Variants in NOL4 observed in about 807,000 individuals in gnomAD.
The protein encoded by NOL4 is cancer/testis antigen 125.
Under a neutral mutation model 75.9 loss-of-function variants are expected in NOL4, and 17 were observed. The observed-to-expected ratio is 0.22, with a 90% confidence interval of 0.15 to 0.34. The LOEUF is 0.34. Ranked by LOEUF, NOL4 falls within the 10% of genes least tolerant of loss-of-function variation. The probability of loss-of-function intolerance (pLI) is 1.00; values close to 1 mark genes in which losing one functional copy is unlikely to be tolerated. For missense variants in NOL4, 614 were observed against 793.5 expected, an observed-to-expected ratio of 0.77 and a Z score of 2.72; for synonymous variants, 292 against 289.9, an observed-to-expected ratio of 1.01 and a Z score of -0.07.
intron 5 of NOL4, among the ~76,000 whole-genome samples, chr18:34,041,993 T>C (rs2076161412): frequency 6.6e-6 from 1 of 152,062 alleles, no homozygotes; most frequent in South Asian, 2.1e-4. Flanking sequence ...GCATGTGATT[T>C]ACAAAAATAT....
intron 9 of NOL4, among the ~76,000 whole-genome samples, chr18:33,902,487 G>C (rs774298659): frequency 6.6e-6 from 1 of 152,014 alleles, no homozygotes; most frequent in Non-Finnish European, 1.5e-5. Flanking sequence ...ATATAGAAAA[G>C]CAATGTTTTC....
chr18:34,196,840 T>C (rs1038437321), intron 1 of NOL4, among the ~76,000 whole-genome samples: 1 of 152,096 alleles, frequency 6.6e-6, no homozygotes, highest in Admixed American at 6.6e-5. Flanking sequence ...ATATATGGTA[T>C]ACAAACTATT....
chr18:33,896,117 G>T (rs2065389841), intron 9 of NOL4, among the ~76,000 whole-genome samples: 1 of 152,026 alleles, frequency 6.6e-6, no homozygotes, highest in South Asian at 2.1e-4. Flanking sequence ...TCTCTACAAT[G>T]AGAATTACAA....
At chr18:34,209,200 A>AG (rs1304172783) in intron 1 of NOL4, among the ~76,000 whole-genome samples, 2 of 151,514 alleles carry the variant, frequency 1.3e-5, no homozygotes, top group African/African-American at 4.8e-5. Flanking sequence ...TCTCCAAAAA[A>AG]AAAAAAAAAA....
rs148470443 is a variant in NOL4, at chr18:34,134,653, TAGAC to T, written c.265-4637_265-4634del. On this transcript the variant is annotated intron_variant, in intron 1 of 10. Transcript: ENST00000261592. ...TACTTAAAATTTAAAAAAAAACTAATAGACATACATAGAACACTCTACAAAACAG... is the reference window on the plus strand; with the variant it reads ...TACTTAAAATTTAAAAAAAAACTAATATACATAGAACACTCTACAAAACAG... 5.0e-4 allele frequency among the ~76,000 whole-genome samples: 76 copies of T among 152,048 alleles called. 1 individual carries two copies. In the East Asian group the frequency reaches 0.015, roughly 29 times the overall value.
intron 6 of NOL4, among the ~76,000 whole-genome samples, chr18:33,970,403 T>C (rs748821491): frequency 3.3e-5 from 5 of 152,188 alleles, no homozygotes; most frequent in African/African-American, 4.8e-5. Context: ...TATTAATGTT[T>C]TGTTGAATCT....
intron 5 of NOL4, among the ~76,000 whole-genome samples, chr18:34,064,301 T>C (rs1219266086): frequency 6.6e-6 from 1 of 151,992 alleles, no homozygotes; most frequent in African/African-American, 2.4e-5. Context: ...AAATGAAAGC[T>C]ACAACAAAGG....
At position 33,863,458 on chromosome 18, in the gene NOL4, A is replaced by T. The variant is rs542874401; in HGVS notation, c.1724-10423T>A. On this transcript the variant is annotated intron_variant, in intron 10 of 10. Coordinates refer to ENST00000261592, the MANE Select transcript of NOL4 (RefSeq NM_003787.5). ...AAGTTACTTCCAAGATACAGTGGGG[A>T]TACAGGCATTGCATAAATGCTTTCA... Among the ~76,000 whole-genome samples the T allele has an allele frequency of 1.1e-4, 17 of 152,272 alleles. 1 individual carries two copies. In the South Asian group the frequency reaches 2.1e-3, roughly 19 times the overall value.
chr18:33,973,222 A>G (rs183697042), intron 6 of NOL4, among the ~76,000 whole-genome samples: 61 of 152,330 alleles, frequency 4.0e-4, no homozygotes, highest in Non-Finnish European at 8.5e-4. Flanking sequence ...CTATCTTAAG[A>G]AACTACTTTC....
chr18:34,138,751 T>C (rs957682729), intron 1 of NOL4, among the ~76,000 whole-genome samples: 3 of 152,320 alleles, frequency 2.0e-5, no homozygotes, highest in African/African-American at 7.2e-5. Flanking sequence ...CCCTGTCTTG[T>C]GCCAGTTTTC....
chr18:33,987,954 A>T (rs1236409007), intron 6 of NOL4, among the ~76,000 whole-genome samples: 1 of 151,964 alleles, frequency 6.6e-6, no homozygotes, highest in African/African-American at 2.4e-5. Flanking sequence ...CACATACACT[A>T]CCCTACTACT....
chr18:34,190,453 GTAT>G lies in NOL4; in HGVS notation c.264+32534_264+32536del, dbSNP rs1403455770. Among the ~76,000 whole-genome samples the G allele has an allele frequency of 5.9e-5, 9 of 151,938 alleles. No individual in the cohort carries two copies. In the East Asian group the frequency reaches 1.5e-3, roughly 26 times the overall value. On this transcript the variant is annotated intron_variant, in intron 1 of 10. Transcript: ENST00000261592. Reference sequence around the variant, plus strand: ...CAAATAATAACAATATATTAACATTGTATTATGTTTATATATTCAAAATTTATA... The same window carrying G: ...CAAATAATAACAATATATTAACATTGTATGTTTATATATTCAAAATTTATA...
At chr18:33,958,161 T>C in intron 7 of NOL4, 78 bp downstream of exon 7, 5 of 1,294,998 alleles carry the variant, frequency 3.9e-6, no homozygotes, top group Non-Finnish European at 5.4e-6. Context: ...CTCTAAAATA[T>C]CCACATTTAC....
intron 10 of NOL4, among the ~76,000 whole-genome samples, chr18:33,860,899 T>G (rs1022931164): frequency 2.0e-5 from 3 of 152,154 alleles, no homozygotes; most frequent in African/African-American, 7.2e-5. Context: ...AATCATGTGG[T>G]TTTTGTCTTT....
At chr18:34,012,975 G>A (rs2074461597) in intron 6 of NOL4, among the ~76,000 whole-genome samples, 1 of 151,924 alleles carries the variant, frequency 6.6e-6, no homozygotes, top group Admixed American at 6.6e-5. Context: ...GGTGACCTGG[G>A]TTAAATACCA....
intron 1 of NOL4, among the ~76,000 whole-genome samples, chr18:34,149,144 TC>T (rs1166123605): frequency 6.6e-6 from 1 of 151,666 alleles, no homozygotes; most frequent in Admixed American, 6.6e-5. Flanking sequence ...AGCAGTAAAT[TC>T]CTTTTCATAG....
chr18:34,022,842 C>T (rs1436734359), intron 5 of NOL4, among the ~76,000 whole-genome samples: 1 of 151,998 alleles, frequency 6.6e-6, no homozygotes, highest in African/African-American at 2.4e-5. Context: ...TCTGTTTCTT[C>T]AATCTGAAAT....
chr18:34,047,093 A>G (rs1394463195), intron 5 of NOL4, among the ~76,000 whole-genome samples: 1 of 152,110 alleles, frequency 6.6e-6, no homozygotes, highest in Non-Finnish European at 1.5e-5. Flanking sequence ...CTAACATATG[A>G]AGATAATAAT....
chr18:34,177,944 C>T (rs12966302), intron 1 of NOL4, among the ~76,000 whole-genome samples: 28,803 of 151,678 alleles, frequency 0.19, 2,951 homozygotes, highest in Middle Eastern at 0.24. Flanking sequence ...TGGGTAACCA[C>T]ACAGATAAGT....
Sources: allele counts gnomAD v4.1 joint callset (sites outside exome capture counted in the v4.1 genomes callset), GRCh38; gene constraint gnomAD v4.1.1; transcripts MANE v1.5; gene names NCBI Gene and HGNC (gene_info 2026-07-23, HGNC 2026-07-21).